The following BDP1 variants were observed in gnomAD, a reference collection of about 807,000 sequenced individuals.
BDP1 encodes transcription factor TFIIIB component B'' homolog.
In BDP1, 169 loss-of-function variants were observed where a neutral mutation model predicts 266.6. The ratio of observed to expected loss-of-function variants is 0.63; its 90% CI spans 0.56 to 0.72. The LOEUF is 0.72. BDP1 is among the 30% of genes least tolerant of loss of function. BDP1 has a pLI of 0.00. For missense variants in BDP1, 3,015 were observed against 3,053.8 expected (o/e 0.99, Z 0.30); for synonymous variants, 1,090 against 1,022.4 (o/e 1.07, Z -1.26).
intron 7 of BDP1, among the ~76,000 whole-genome samples, chr5:71,470,866 C>T (rs1762198592): frequency 6.6e-6 from 1 of 151,428 alleles, no homozygotes; most frequent in Admixed American, 6.6e-5. Flanking sequence ...GTTAGAATTA[C>T]AGGCTAGAGC....
chr5:71,570,847 C>T (rs1317235458), downstream of BDP1, among the ~76,000 whole-genome samples: 4 of 152,198 alleles, frequency 2.6e-5, no homozygotes, highest in African/African-American at 9.7e-5. Context: ...AAAGAGTGTC[C>T]TCCAGGCCCT....
chr5:71,573,375 C>G, the BDP1 span, among the ~76,000 whole-genome samples: 3 of 152,206 alleles, frequency 2.0e-5, no homozygotes, highest in Non-Finnish European at 4.4e-5. Context: ...ATTTTACGCT[C>G]TGCTGCCATA....
intron 3 of BDP1, among the ~76,000 whole-genome samples, chr5:71,462,562 C>A (rs889604523): frequency 2.0e-5 from 3 of 151,090 alleles, no homozygotes; most frequent in Non-Finnish European, 4.4e-5. Flanking sequence ...GAGACCAGCC[C>A]GGGCAACATG....
chr5:71,568,854 A>G (rs947640504), downstream of BDP1, among the ~76,000 whole-genome samples: 1 of 152,082 alleles, frequency 6.6e-6, no homozygotes, highest in Non-Finnish European at 1.5e-5. Context: ...TCTCCAGACT[A>G]TATAATGAAA....
chr5:71,549,118 A>G (rs920081789), intron 33 of BDP1, among the ~76,000 whole-genome samples: 2 of 152,108 alleles, frequency 1.3e-5, no homozygotes, highest in Non-Finnish European at 2.9e-5. Context: ...TGCACCTGTA[A>G]TCCCATCTAC....
At position 71,524,592 on chromosome 5, in the gene BDP1, A is replaced by AT. The variant is rs35069627; in HGVS notation, c.5772+270dup. Reference sequence around the variant, plus strand: ...TGGAAGCTGTTTAGTCTACTTTCTGATAATCTTTCTTTTTTTTTATTTTTT... The same window carrying AT: ...TGGAAGCTGTTTAGTCTACTTTCTGATTAATCTTTCTTTTTTTTTATTTTTT... On this transcript the variant is annotated intron_variant, in intron 25 of 38. Coordinates refer to ENST00000358731, the MANE Select transcript of BDP1 (RefSeq NM_018429.3). Among the ~76,000 whole-genome samples the AT allele has an allele frequency of 0.45, 67,700 of 150,664 alleles. 15,540 individuals are homozygous for AT. The highest frequency in any genetic ancestry group is 0.55 in the South Asian group (2,629 of 4,766).
intron 37 of BDP1, 144 bp downstream of exon 37, chr5:71,560,381 A>C (rs979284440): frequency 1.1e-6 from 1 of 906,092 alleles, no homozygotes; most frequent in Non-Finnish European, 1.6e-6. Flanking sequence ...AGTTTCAGCC[A>C]AGGAAATACA....
Position 71,560,219 on chromosome 5 carries a change from C to T in BDP1, c.7478C>T (p.Ser2493Phe). The change falls in exon 37 of 39, where the codon TCT becomes TTT. Residue 2493 changes from serine to phenylalanine, a missense_variant. By Grantham distance (155) the Ser-to-Phe change is radical. This residue lies in a region of BDP1 where 629 missense variants were observed against 632.5 expected (regional missense o/e 0.99). Transcript: ENST00000358731. Reference protein sequence around the residue: ...SQQMDSRTSSSKASLSRPGRR... With the variant: ...SQQMDSRTSSFKASLSRPGRR... The stretch of plus-strand genomic sequence containing the variant: ...CAAATGGATAGCAGAACATCGTCTT[C>T]TAAAGCCTCACTATCCAGGTATCAT... 1 of 1,614,050 alleles carries T rather than the reference C, an allele frequency of 6.2e-7. No homozygotes were observed. Among genetic ancestry groups the T allele is most frequent in the Non-Finnish European group, 8.5e-7 (1 of 1,179,984 alleles).
chr5:71,470,587 T>TA, intron 7 of BDP1, 98 bp downstream of exon 7: 7 of 770,058 alleles, frequency 9.1e-6, no homozygotes, highest in Non-Finnish European at 1.4e-5. Context: ...TCTTAGTTCA[T>TA]CTTTTTTTTT....
chr5:71,487,811 G>A (rs1763359495), intron 9 of BDP1, among the ~76,000 whole-genome samples: 1 of 152,222 alleles, frequency 6.6e-6, no homozygotes, highest in African/African-American at 2.4e-5. Context: ...CTAAGGCACA[G>A]TGAGCCACTC....
At chr5:71,550,083 C>T (rs1187837840) in intron 34 of BDP1, among the ~76,000 whole-genome samples, 1 of 152,206 alleles carries the variant, frequency 6.6e-6, no homozygotes, top group African/African-American at 2.4e-5. Context: ...CCTCGAACTC[C>T]TGGGCGCAAG....
intron 38 of BDP1, among the ~76,000 whole-genome samples, chr5:71,563,994 T>A (rs1362369900): frequency 2.6e-5 from 4 of 152,222 alleles, no homozygotes; most frequent in Non-Finnish European, 4.4e-5. Context: ...TAGAGTTTTT[T>A]AAAAAATACT....
chr5:71,525,825 C>T (rs540429847), intron 25 of BDP1, among the ~76,000 whole-genome samples: 26 of 150,882 alleles, frequency 1.7e-4, no homozygotes, highest in African/African-American at 6.1e-4. Flanking sequence ...GGAGGGGCTC[C>T]TCACTTCTCA....
chr5:71,570,683 G>T (rs1744235686), downstream of BDP1, among the ~76,000 whole-genome samples: 2 of 152,244 alleles, frequency 1.3e-5, no homozygotes, highest in South Asian at 4.1e-4. Context: ...CGGCATTGCT[G>T]CCTGGCTTCT....
rs1743981399 is a variant in BDP1 at position 71,565,589 on chromosome 5, C to T, written c.*704C>T. On this transcript the variant is annotated 3_prime_UTR_variant, in exon 39 of 39. Transcript: ENST00000358731. Reference sequence around the variant, plus strand: ...AGGTTTGTAGCCGAGGAGCAATAGGCTATACCACATAGCCTCAGTCTGTAC... The same window carrying T: ...AGGTTTGTAGCCGAGGAGCAATAGGTTATACCACATAGCCTCAGTCTGTAC... 1 of 152,558 alleles carries T rather than the reference C, an allele frequency of 6.6e-6. No individual in the cohort carries two copies. The highest frequency in any genetic ancestry group is 1.5e-5 in the Non-Finnish European group (1 of 68,342). 9.5% of individuals were successfully genotyped at this position (152,558 alleles called of 1,614,324 possible).
chr5:71,552,856 T>C lies in BDP1; in HGVS notation c.6996-260T>C, dbSNP rs466930. Among the ~76,000 whole-genome samples, 67,541 of 151,558 alleles carry C rather than the reference T, an allele frequency of 0.45. 15,405 individuals are homozygous for C. Among genetic ancestry groups the C allele is most frequent in the South Asian group, 0.55 (2,638 of 4,810 alleles). On this transcript the variant is annotated intron_variant, in intron 34 of 38. Transcript: ENST00000358731. ...CATGGGGAGAGGGAGAGGGAGAGGG[T>C]AATATTCAGATTTAATTCAATACTA... is the stretch of plus-strand genomic sequence containing the variant.
chr5:71,495,319 C>T lies in BDP1; in HGVS notation c.1710C>T (p.Phe570=), dbSNP rs371130783. ...CAAGCACTTCAGATTTGCCTTCATT[C>T]GAAGTTGGAATTAGAGCATTGTGTG... The part of the protein sequence containing the change: ...SESSTSDLPS[F]EVGIRALCEV... Residue 570 remains phenylalanine (F), a synonymous_variant, in exon 12 of 39, where the codon TTC becomes TTT. Transcript: ENST00000358731. The T allele has an allele frequency of 1.0e-5, 16 of 1,606,742 alleles. No individual in the cohort carries two copies. Among genetic ancestry groups the T allele is most frequent in the Admixed American group, 6.7e-5 (4 of 59,644 alleles).
chr5:71,549,333 A>G, intron 33 of BDP1, 87 bp from the exon 34 acceptor site: 1 of 1,092,524 alleles, frequency 9.2e-7, no homozygotes, highest in Non-Finnish European at 1.3e-6. Flanking sequence ...TTGTCCTGAG[A>G]CTGTCTTTTT....
the BDP1 span, among the ~76,000 whole-genome samples, chr5:71,574,890 G>C: frequency 6.6e-6 from 1 of 152,152 alleles, no homozygotes; most frequent in South Asian, 2.1e-4. Flanking sequence ...CAAATTAAAG[G>C]AAAGAAATTT....
Sources: gnomAD v4.1 joint callset for allele counts (sites outside exome capture counted in the v4.1 genomes callset) on GRCh38, gnomAD v4.1.1 for gene constraint, gnomAD v4.1.1 regional missense constraint, MANE v1.5 for transcripts, NCBI Gene and HGNC (gene_info 2026-07-23, HGNC 2026-07-21) for gene names.